EVC: variants seen among roughly 807,000 people sequenced by gnomAD.
The protein encoded by EVC is EvC ciliary complex subunit 1.
EVC carries 116 observed loss-of-function variants against 118.9 expected under a neutral mutation model. The ratio of observed to expected loss-of-function variants is 0.98; its 90% CI spans 0.84 to 1.14. EVC has a LOEUF of 1.14. EVC is among the 50% of genes most tolerant of loss of function. EVC has a pLI of 0.00. For missense variants in EVC, 1,401 were observed against 1,246.4 expected (o/e 1.12, Z -1.87); for synonymous variants, 619 against 534.7 (o/e 1.16, Z -2.18).
chr4:5,793,937 T>G (rs1358851377), intron 13 of EVC, among the ~76,000 whole-genome samples: 2 of 152,122 alleles, frequency 1.3e-5, no homozygotes, highest in Non-Finnish European at 2.9e-5. Flanking sequence ...TTAAACAGCT[T>G]TTTTCAGGTA....
chr4:5,820,618 A>C, the EVC span: 3 of 152,164 alleles, frequency 2.0e-5, no homozygotes, highest in Admixed American at 1.3e-4. Flanking sequence ...CTCAGCCTTC[A>C]GAAGTCATGA....
downstream of EVC, among the ~76,000 whole-genome samples, chr4:5,817,129 T>C (rs1717832413): frequency 6.6e-6 from 1 of 152,232 alleles, no homozygotes; most frequent in African/African-American, 2.4e-5. Flanking sequence ...TGGCTACAAG[T>C]GAACGTTGGG....
intron 12 of EVC, among the ~76,000 whole-genome samples, chr4:5,791,532 G>T (rs542646017): frequency 6.6e-6 from 1 of 152,140 alleles, no homozygotes; most frequent in Non-Finnish European, 1.5e-5. Flanking sequence ...GAGAACACTG[G>T]AATCTTATTT....
chr4:5,725,219 A>G (rs756721654), intron 2 of EVC, among the ~76,000 whole-genome samples: 1 of 152,210 alleles, frequency 6.6e-6, no homozygotes, highest in Non-Finnish European at 1.5e-5. Context: ...AATGATTTCT[A>G]TTCCTTTGGG....
At chr4:5,711,723 C>T (rs1257699503) in intron 1 of EVC, among the ~76,000 whole-genome samples, 169 bp downstream of exon 1, 6 of 152,198 alleles carry the variant, frequency 3.9e-5, no homozygotes, top group African/African-American at 1.2e-4. Flanking sequence ...GAGGTGGCGG[C>T]GTGACTAAAG....
At chr4:5,775,608 T>G (rs982828527) in intron 11 of EVC, among the ~76,000 whole-genome samples, 1 of 152,222 alleles carries the variant, frequency 6.6e-6, no homozygotes, top group Non-Finnish European at 1.5e-5. Flanking sequence ...TGGTTGTATG[T>G]TGTAGTTCAT....
intron 5 of EVC, among the ~76,000 whole-genome samples, chr4:5,736,300 CACAT>C (rs1278662885): frequency 6.7e-6 from 1 of 148,948 alleles, no homozygotes; most frequent in Non-Finnish European, 1.5e-5. Context: ...CACACACACA[CACAT>C]GCACACACAT....
intron 11 of EVC, among the ~76,000 whole-genome samples, chr4:5,759,269 A>ACT: frequency 1.3e-5 from 1 of 74,114 alleles, no homozygotes; most frequent in African/African-American, 8.5e-5. Context: ...ACTGCAGATA[A>ACT]CTGCTTGAAA....
At chr4:5,828,042 G>T in the EVC span, 3 of 985,398 alleles carry the variant, frequency 3.0e-6, no homozygotes, top group Non-Finnish European at 3.6e-6. Context: ...AGGAAGCCCT[G>T]CCTGCAAGAT....
intron 2 of EVC, among the ~76,000 whole-genome samples, chr4:5,720,432 T>A (rs1724753556): frequency 1.3e-5 from 2 of 152,220 alleles, no homozygotes; most frequent in African/African-American, 4.8e-5. Flanking sequence ...TCCTTGGGTT[T>A]GCCAGGCCCC....
chr4:5,777,525 A>T (rs537528303), intron 11 of EVC, among the ~76,000 whole-genome samples: 1 of 152,278 alleles, frequency 6.6e-6, no homozygotes, highest in East Asian at 1.9e-4. Context: ...AAGACTGGGC[A>T]TGCCCCTCCA....
At chr4:5,747,370 A>G (rs1017061871) in intron 7 of EVC, among the ~76,000 whole-genome samples, 1 of 152,206 alleles carries the variant, frequency 6.6e-6, no homozygotes, top group Non-Finnish European at 1.5e-5. Context: ...GTGGAGTTAA[A>G]TGGACCTGAA....
chr4:5,738,565 C>T lies in EVC; in HGVS notation c.703-3151C>T, dbSNP rs1442343968. Among the ~76,000 whole-genome samples the T allele has an allele frequency of 4.0e-5, 6 of 151,834 alleles. No individual in the cohort carries two copies. Among genetic ancestry groups the T allele is most frequent in the Non-Finnish European group, 5.9e-5 (4 of 67,940 alleles). The stretch of plus-strand genomic sequence containing the variant: ...ACTACCCTCATAAGTCAGTAGCCAT[C>T]AACATTGAGACAAGACCCTCCACCA... On this transcript the variant is annotated intron_variant, in intron 5 of 20. Transcript: ENST00000264956. This position sits in a 1 kb window ranked among gnomAD's most constrained non-coding sequence, Gnocchi z 6.5.
chr4:5,728,934 G>C (rs1726309990), intron 2 of EVC, among the ~76,000 whole-genome samples: 1 of 152,046 alleles, frequency 6.6e-6, no homozygotes, highest in Non-Finnish European at 1.5e-5. Context: ...TCATCCATCT[G>C]TCCATATCCC....
chr4:5,791,158 T>C (rs1031774270), intron 12 of EVC, among the ~76,000 whole-genome samples: 21 of 152,206 alleles, frequency 1.4e-4, no homozygotes, highest in African/African-American at 5.1e-4. Flanking sequence ...GTTAATGGAA[T>C]AGCAGATTAA....
chr4:5,715,368 G>C (rs1041899409), intron 1 of EVC, among the ~76,000 whole-genome samples: 3 of 152,114 alleles, frequency 2.0e-5, no homozygotes, highest in African/African-American at 7.2e-5. Flanking sequence ...GCATATTCTT[G>C]GGCTCTACCC....
At chr4:5,827,381 G>C in the EVC span, among the ~76,000 whole-genome samples, 4 of 152,142 alleles carry the variant, frequency 2.6e-5, no homozygotes, top group Non-Finnish European at 5.9e-5. Context: ...TCCCCATCCA[G>C]TGCAAAGCAT....
At chr4:5,751,405 G>A (rs950141779) in intron 8 of EVC, among the ~76,000 whole-genome samples, 1 of 152,346 alleles carries the variant, frequency 6.6e-6, no homozygotes, top group African/African-American at 2.4e-5. Context: ...AGCCTGTGTT[G>A]GGTTCTCAAC....
chr4:5,781,136 T>C (rs1274690644), intron 11 of EVC, among the ~76,000 whole-genome samples: 1 of 152,148 alleles, frequency 6.6e-6, no homozygotes, highest in Admixed American at 6.5e-5. Context: ...AGACCCTGTG[T>C]TCAGAGTGCC....
Sources: gnomAD v4.1 joint callset for allele counts (sites outside exome capture counted in the v4.1 genomes callset) on GRCh38, gnomAD v4.1.1 for gene constraint, Gnocchi (gnomAD v3.1) non-coding constraint, MANE v1.5 for transcripts, NCBI Gene and HGNC (gene_info 2026-07-23, HGNC 2026-07-21) for gene names.